The following NRXN3 variants were observed in gnomAD, a reference collection of about 807,000 sequenced individuals.
NRXN3 encodes neurexin III.
NRXN3 carries 32 observed loss-of-function variants against 137.6 expected under a neutral mutation model. The observed-to-expected ratio is 0.23, with a 90% CI of 0.18 to 0.31. The LOEUF (loss-of-function observed/expected upper bound fraction) is 0.31, where lower values mean the gene tolerates loss of function less well. Among genes scored for constraint, NRXN3 ranks in the 10% least tolerant of loss-of-function variants. NRXN3 has a pLI of 1.00. For synonymous variants in NRXN3, 798 were observed against 784.5 expected (o/e 1.02, Z -0.29); for missense variants, 1,574 against 2,062.5 (o/e 0.76, Z 4.59).
At chr14:79,683,548 G>A (rs939830872) in intron 17 of NRXN3, among the ~76,000 whole-genome samples, 1 of 152,186 alleles carries the variant, frequency 6.6e-6, no homozygotes, top group African/African-American at 2.4e-5. Context: ...ACACTGTAAA[G>A]TTTGAGGTAA....
chr14:79,637,737 T>TTTTTTTTTTTTTTTTTTTTG (rs2098412488), intron 16 of NRXN3, among the ~76,000 whole-genome samples: 1 of 137,744 alleles, frequency 7.3e-6, no homozygotes, highest in African/African-American at 3.2e-5. Context: ...TTCTTTTTTT[T>TTTTTTTTTTTTTTTTTTTTG]TTTTTTTTTT....
chr14:78,417,524 C>T (rs773692104), intron 4 of NRXN3, among the ~76,000 whole-genome samples: 12 of 152,212 alleles, frequency 7.9e-5, no homozygotes, highest in Non-Finnish European at 1.6e-4. Flanking sequence ...AGCTCTACTA[C>T]TAGATGGACT....
chr14:79,685,631 C>T (rs28735291), intron 17 of NRXN3, among the ~76,000 whole-genome samples: 4,711 of 152,196 alleles, frequency 0.031, 234 homozygotes, highest in African/African-American at 0.11. Context: ...GTTGCAGTCG[C>T]CTGGGCCTAG....
intron 19 of NRXN3, among the ~76,000 whole-genome samples, chr14:79,803,725 T>G (rs2215840): frequency 2.6e-5 from 4 of 151,800 alleles, no homozygotes; most frequent in Admixed American, 2.6e-4. Context: ...AACACAGAAT[T>G]TGACTAAGAT....
At chr14:79,560,504 C>CATTTTTTTTTTT (rs2097481849) in intron 16 of NRXN3, among the ~76,000 whole-genome samples, 1 of 43,770 alleles carries the variant, frequency 2.3e-5, no homozygotes, top group Non-Finnish European at 4.0e-5. Flanking sequence ...AGATTGTAAG[C>CATTTTTTTTTTT]TTTTTTTTTT....
rs997908987 is a variant in NRXN3, at chr14:79,808,183, G to A, written c.4093+2993G>A. ...ACCCGGGAGGCAGAGGTTGCAGGGA[G>A]CCAAGATCATGCCACTGCTCTCCAG... On this transcript the variant is annotated intron_variant, in intron 20 of 20. Transcript: ENST00000335750. Among the ~76,000 whole-genome samples the A allele has an allele frequency of 6.7e-5, 10 of 149,726 alleles. 1 individual carries two copies. Among genetic ancestry groups the A allele is most frequent in the Non-Finnish European group, 1.0e-4 (7 of 67,806 alleles).
At chr14:78,867,087 G>C (rs1044508522) in intron 10 of NRXN3, among the ~76,000 whole-genome samples, 3 of 152,054 alleles carry the variant, frequency 2.0e-5, no homozygotes, top group African/African-American at 2.4e-5. Context: ...GTGGGCCACC[G>C]CACCTGGCAG....
At chr14:79,003,621 A>G (rs564199033) in intron 15 of NRXN3, among the ~76,000 whole-genome samples, 18 of 152,278 alleles carry the variant, frequency 1.2e-4, no homozygotes, top group Non-Finnish European at 1.2e-4. Flanking sequence ...AGAAGAAACC[A>G]GGGAACTATG....
intron 15 of NRXN3, among the ~76,000 whole-genome samples, chr14:79,098,398 G>A (rs1595934026): frequency 6.6e-6 from 1 of 152,130 alleles, no homozygotes; most frequent in East Asian, 1.9e-4. Flanking sequence ...TCTCTAATTA[G>A]CAGATACATG....
At chr14:79,368,947 G>A (rs1023250699) in intron 15 of NRXN3, among the ~76,000 whole-genome samples, 2 of 152,142 alleles carry the variant, frequency 1.3e-5, no homozygotes, top group African/African-American at 4.8e-5. Flanking sequence ...TTCTCTGGCA[G>A]GAAACTTATT....
At chr14:78,652,620 A>G (rs1023141321) in intron 6 of NRXN3, among the ~76,000 whole-genome samples, 1 of 152,130 alleles carries the variant, frequency 6.6e-6, no homozygotes. Flanking sequence ...TATTCTTACT[A>G]TGGTTATTTG....
intron 4 of NRXN3, among the ~76,000 whole-genome samples, chr14:78,387,525 T>C (rs1460790507): frequency 1.3e-5 from 2 of 152,310 alleles, no homozygotes; most frequent in East Asian, 3.9e-4. Context: ...CAAATCATAA[T>C]TGTAAAGCAT....
In NRXN3 at chr14:78,714,860, C is replaced by A. The variant is rs533412003; in HGVS notation, c.1765C>A (p.Arg589Ser). 4 of 1,614,160 alleles carry A rather than the reference C, an allele frequency of 2.5e-6. No homozygotes were observed. Among genetic ancestry groups the A allele is most frequent in the Non-Finnish European group, 3.4e-6 (4 of 1,180,006 alleles). ...GTACCTGGGAGGGCTGCCGGAGAAC[C>A]GTGCTGGCCTTATTCTCCCCACCGA... The part of the protein sequence containing the change: ...DMYLGGLPEN[R>S]AGLILPTELW... The change falls in exon 8 of 21, where the codon CGT becomes AGT. Residue 589 changes from arginine (R) to serine (S), a missense_variant. Physicochemically the swap from Arg to Ser is moderately radical, Grantham distance 110 (BLOSUM62 -1). Around this residue, in one of 5 missense-constraint regions of NRXN3, gnomAD observed 718 missense variants for 887.6 expected, o/e 0.81. Transcript: ENST00000335750.
intron 15 of NRXN3, among the ~76,000 whole-genome samples, chr14:79,210,655 G>A (rs1167107031): frequency 6.6e-6 from 1 of 152,152 alleles, no homozygotes. Context: ...GTTTCTTTGA[G>A]ATTTCATATA....
chr14:78,391,598 A>G (rs2090782513), intron 4 of NRXN3, among the ~76,000 whole-genome samples: 1 of 152,048 alleles, frequency 6.6e-6, no homozygotes. Context: ...CCTTTTATGC[A>G]CTCAGCAAGG....
chr14:79,746,425 A>G (rs146680371), intron 19 of NRXN3, among the ~76,000 whole-genome samples: 1 of 152,158 alleles, frequency 6.6e-6, no homozygotes, highest in East Asian at 1.9e-4. Flanking sequence ...TTCTTTTTGT[A>G]TGAAATCTCA....
chr14:78,933,252 T>A (rs1053051833), intron 10 of NRXN3, among the ~76,000 whole-genome samples: 2 of 152,234 alleles, frequency 1.3e-5, no homozygotes, highest in Non-Finnish European at 2.9e-5. Context: ...CATATTTGAA[T>A]GGAAGAATGC....
intron 8 of NRXN3, among the ~76,000 whole-genome samples, chr14:78,748,296 G>A (rs748603882): frequency 1.5e-4 from 23 of 152,076 alleles, no homozygotes; most frequent in Non-Finnish European, 2.9e-4. Flanking sequence ...ATGGGAAGGG[G>A]ATAGAATAAG....
At chr14:78,412,437 T>G (rs1301303105) in intron 4 of NRXN3, among the ~76,000 whole-genome samples, 1 of 152,204 alleles carries the variant, frequency 6.6e-6, no homozygotes, top group African/African-American at 2.4e-5. Flanking sequence ...GTTCTGTAAC[T>G]TCATCTACAT....
Sources: allele counts gnomAD v4.1 joint callset (sites outside exome capture counted in the v4.1 genomes callset), GRCh38; gene constraint gnomAD v4.1.1; regional missense constraint gnomAD v4.1.1; transcripts MANE v1.5; gene names NCBI Gene and HGNC (gene_info 2026-07-23, HGNC 2026-07-21).